The following MTCL1 variants were observed in gnomAD, a reference collection of about 807,000 sequenced individuals.
The protein encoded by MTCL1 is microtubule cross-linking factor 1.
Under a neutral mutation model 141.4 loss-of-function variants are expected in MTCL1, and 79 were observed. The observed-to-expected ratio is 0.56, with a 90% CI of 0.47 to 0.67. The LOEUF is 0.67. Among genes scored for constraint, MTCL1 ranks in the 30% least tolerant of loss-of-function variants. The pLI is 0.00. For missense variants in MTCL1, 2,177 were observed against 2,113.9 expected, an observed-to-expected ratio of 1.03 and a Z score of -0.59; for synonymous variants, 914 against 875.8, an observed-to-expected ratio of 1.04 and a Z score of -0.77.
rs113061569 is a variant in MTCL1, at chr18:8,721,520, G to A, written c.357+1024G>A. Among the ~76,000 whole-genome samples, 366 of 152,138 alleles carry A rather than the reference G, an allele frequency of 2.4e-3. 3 individuals carry two copies. The highest frequency in any genetic ancestry group is 8.4e-3 in the African/African-American group (347 of 41,506). On this transcript the variant is annotated intron_variant, in intron 4 of 16. Transcript: ENST00000359865. ...TGCCCCCACCCCTCTTCTCACAGCT[G>A]CCTCGGCCTCCCTGCTCTTCCCATG...
At chr18:8,784,830 G>A (rs1196831004) in exon 6 of MTCL1, 1 of 1,596,048 alleles carries the variant, frequency 6.3e-7, no homozygotes, top group African/African-American at 1.3e-5. Flanking sequence ...AAGGAGCTGG[G>A]CCCAGACTTG....
intron 4 of MTCL1, among the ~76,000 whole-genome samples, chr18:8,756,758 G>A (rs1221385552): frequency 1.3e-5 from 2 of 152,166 alleles, no homozygotes; most frequent in Non-Finnish European, 2.9e-5. Flanking sequence ...TCTGGGATGT[G>A]GCCAAACCGC....
chr18:8,714,544 G>A (rs951429244), upstream of MTCL1, among the ~76,000 whole-genome samples: 1 of 152,170 alleles, frequency 6.6e-6, no homozygotes, highest in Non-Finnish European at 1.5e-5. Flanking sequence ...GGAAGACAAA[G>A]GAGGAGCAAA....
At chr18:8,829,932 G>A (rs548858895) in intron 16 of MTCL1, 9 of 985,250 alleles carry the variant, frequency 9.1e-6, no homozygotes, top group Non-Finnish European at 1.1e-5. Context: ...TGGCAAAGAG[G>A]GGGTACTGAA....
At position 8,786,111 on chromosome 18, in the gene MTCL1, C is replaced by CCCCA. The variant is rs762466625; in HGVS notation, c.1887+23_1887+24insACCC. On this transcript the variant is annotated intron_variant, in intron 7 of 16. Coordinates refer to ENST00000359865, the Ensembl canonical transcript of MTCL1. Reference sequence around the variant, plus strand: ...CTGGAGGTCAGCGTGGGCAAGCAATCCCCCCCCCCCGCCCTCCCCCTCCTT... The same window carrying CCCCA: ...CTGGAGGTCAGCGTGGGCAAGCAATCCCCACCCCCCCCCCGCCCTCCCCCTCCTT... The CCCCA allele has an allele frequency of 1.2e-5, 14 of 1,128,896 alleles. No individual in the cohort carries two copies. The highest frequency in any genetic ancestry group is 5.8e-5 in the South Asian group (4 of 68,986). The allele number at this position is 1,128,896 out of a possible 1,614,324, so 69.9% of individuals were successfully genotyped here.
chr18:8,728,838 G>A (rs1191973323), intron 4 of MTCL1, among the ~76,000 whole-genome samples: 2 of 139,360 alleles, frequency 1.4e-5, no homozygotes, highest in East Asian at 2.3e-4. Flanking sequence ...GAGTTCAAGC[G>A]ATTCTCCTGC....
At chr18:8,736,873 C>T (rs1243724001) in intron 4 of MTCL1, among the ~76,000 whole-genome samples, 2 of 152,092 alleles carry the variant, frequency 1.3e-5, no homozygotes, top group Admixed American at 1.3e-4. Context: ...ATCTCCTGAC[C>T]TCGTGATCTG....
At chr18:8,799,112 G>A (rs892708597) in intron 10 of MTCL1, among the ~76,000 whole-genome samples, 3 of 152,238 alleles carry the variant, frequency 2.0e-5, no homozygotes, top group Non-Finnish European at 4.4e-5. Flanking sequence ...CCACGGGGAT[G>A]CGGCAGTCAT....
chr18:8,706,766 T>G (rs987143822), intron 1 of MTCL1, 53 bp downstream of exon 1: 1 of 1,536,416 alleles, frequency 6.5e-7, no homozygotes, highest in Non-Finnish European at 8.7e-7. Context: ...AGGGCCTGGC[T>G]GCGGCGGGGA....
At chr18:8,732,609 TA>T (rs1265485070) in intron 4 of MTCL1, among the ~76,000 whole-genome samples, 1 of 151,988 alleles carries the variant, frequency 6.6e-6, no homozygotes, top group Admixed American at 6.6e-5. Flanking sequence ...TCCCTGGTAA[TA>T]AAAAATCATT....
At chr18:8,728,718 T>TTA (rs1366874379) in intron 4 of MTCL1, among the ~76,000 whole-genome samples, 19 of 135,092 alleles carry the variant, frequency 1.4e-4, no homozygotes, top group African/African-American at 5.0e-4. Context: ...ATGTTGTCCA[T>TTA]TCTTTTTTTT....
intron 4 of MTCL1, among the ~76,000 whole-genome samples, chr18:8,722,480 C>A (rs518396): frequency 0.39 from 59,693 of 152,066 alleles, 12,367 homozygotes; most frequent in Admixed American, 0.52. Flanking sequence ...TGGAAGCCTT[C>A]CTGATAACAT....
chr18:8,806,659 C>T (rs1234665424), intron 10 of MTCL1, among the ~76,000 whole-genome samples: 1 of 152,144 alleles, frequency 6.6e-6, no homozygotes, highest in Admixed American at 6.5e-5. Context: ...CTTCCTTCTA[C>T]CCTCCTCCTG....
intron 4 of MTCL1, among the ~76,000 whole-genome samples, chr18:8,764,902 C>T (rs1007705364): frequency 5.3e-5 from 8 of 152,216 alleles, no homozygotes; most frequent in African/African-American, 1.9e-4. Flanking sequence ...TAAAATTACA[C>T]AGTTAACTCT....
chr18:8,803,161 A>T (rs984210470), intron 10 of MTCL1, among the ~76,000 whole-genome samples: 5 of 16,824 alleles, frequency 3.0e-4, no homozygotes, highest in Non-Finnish European at 8.3e-4. Flanking sequence ...GTAAAGTTTA[A>T]AAAAAAAAAA....
At chr18:8,746,530 T>G (rs1474193883) in intron 4 of MTCL1, among the ~76,000 whole-genome samples, 3 of 152,218 alleles carry the variant, frequency 2.0e-5, no homozygotes, top group Admixed American at 2.0e-4. Flanking sequence ...TGGATTTGAA[T>G]CTAGAAACCC....
exon 15 of MTCL1, chr18:8,825,152 T>TCCC: frequency 1.9e-6 from 3 of 1,582,854 alleles, no homozygotes; most frequent in Non-Finnish European, 2.6e-6. Context: ...AGGGTCCCTT[T>TCCC]CCCACAAGCA....
rs7235093 is a variant in MTCL1 at position 8,830,182 on chromosome 18, C to A, written c.*18+1218C>A. On this transcript the variant is annotated intron_variant, in intron 16 of 16. Transcript: ENST00000359865. The surrounding 1 kb of genome is among the most constrained non-coding windows in gnomAD (Gnocchi z 6.4). ...CAGTGAGATGAGGACACAGGAGCAC[C>A]TTGGGTTAGTCTGCATCTTGGTGGC... is the stretch of plus-strand genomic sequence containing the variant. 93,482 of 985,468 alleles carry A rather than the reference C, an allele frequency of 0.095. 4,586 individuals carry two copies. The highest frequency in any genetic ancestry group is 0.11 in the East Asian group (991 of 8,808). 61.0% of individuals were successfully genotyped at this position (985,468 alleles called of 1,614,324 possible). A position where few individuals can be genotyped will look rare whatever the true frequency, so the allele number is the denominator to read the frequency against.
At chr18:8,798,129 G>A in exon 10 of MTCL1, 1 of 1,591,332 alleles carries the variant, frequency 6.3e-7, no homozygotes, top group Non-Finnish European at 8.5e-7. Flanking sequence ...CCAGGCTCGG[G>A]GAGCTTGGAG....
Sources: allele counts gnomAD v4.1 joint callset (sites outside exome capture counted in the v4.1 genomes callset), GRCh38; gene constraint gnomAD v4.1.1; non-coding constraint Gnocchi (gnomAD v3.1); transcripts MANE v1.5; gene names NCBI Gene and HGNC (gene_info 2026-07-23, HGNC 2026-07-21).